The following UPK1B variants were observed in gnomAD, a reference collection of about 807,000 sequenced individuals.
UPK1B encodes the protein uroplakin-1b.
Under a neutral mutation model 34.2 loss-of-function variants are expected in UPK1B, and 28 were observed. The observed-to-expected ratio is 0.82, with a 90% confidence interval of 0.61 to 1.12. The LOEUF (loss-of-function observed/expected upper bound fraction) is 1.12, where lower values mean the gene tolerates loss of function less well. Among genes scored for constraint, UPK1B ranks in the 50% most tolerant of loss-of-function variants. The pLI, the probability that UPK1B is intolerant of heterozygous loss-of-function variation, is 0.00. For synonymous variants in UPK1B, 81 were observed against 110.4 expected, an observed-to-expected ratio of 0.73 and a Z score of 1.67; for missense variants, 325 against 320.9, an observed-to-expected ratio of 1.01 and a Z score of -0.10.
intron 7 of UPK1B, among the ~76,000 whole-genome samples, chr3:119,199,495 G>A (rs1386917001): frequency 6.6e-6 from 1 of 152,194 alleles, no homozygotes; most frequent in Non-Finnish European, 1.5e-5. Context: ...ATCAAAGACT[G>A]TCACCTATCT....
At chr3:119,189,545 A>T (rs1310979089) in intron 3 of UPK1B, among the ~76,000 whole-genome samples, 1 of 152,242 alleles carries the variant, frequency 6.6e-6, no homozygotes, top group Non-Finnish European at 1.5e-5. Flanking sequence ...GTGCACACGC[A>T]CCCATGTGCC....
intron 1 of UPK1B, among the ~76,000 whole-genome samples, chr3:119,178,995 G>A (rs2077972250): frequency 6.6e-6 from 1 of 152,028 alleles, no homozygotes; most frequent in South Asian, 2.1e-4. Flanking sequence ...CAATTGGGAT[G>A]GTGTGTTACT....
intron 6 of UPK1B, among the ~76,000 whole-genome samples, chr3:119,198,576 G>T (rs1311424488): frequency 1.3e-5 from 2 of 152,214 alleles, no homozygotes; most frequent in East Asian, 3.8e-4. Context: ...AGAATTCAGG[G>T]AGCATAATGC....
chr3:119,182,113 C>A (rs2077992425), intron 1 of UPK1B, among the ~76,000 whole-genome samples: 1 of 152,240 alleles, frequency 6.6e-6, no homozygotes, highest in Non-Finnish European at 1.5e-5. Flanking sequence ...CAGCTTGGTA[C>A]CTGACTCTGG....
chr3:119,186,753 C>T lies in UPK1B; in HGVS notation c.12C>T (p.Asp4=). Residue 4 remains aspartate (D), a synonymous_variant, in exon 2 of 8, where the codon GAC becomes GAT. Coordinates refer to ENST00000264234, the MANE Select transcript of UPK1B (RefSeq NM_006952.4). ...GGGAAATCCCGAAGATGGCCAAAGA[C>T]AACTCAACTGTTCGTTGCTTCCAGG... MAK[D]NSTVRCFQGL... The T allele has an allele frequency of 6.2e-7, 1 of 1,614,110 alleles. No individual in the cohort carries two copies. The highest frequency in any genetic ancestry group is 8.5e-7 in the Non-Finnish European group (1 of 1,180,002).
rs184949053 is a variant in UPK1B, at chr3:119,203,258, G to A, written c.733-659G>A. 4.0e-3 allele frequency among the ~76,000 whole-genome samples: 573 copies of A among 142,120 alleles called. 1 individual carries two copies. The highest frequency in any genetic ancestry group is 0.011 in the African/African-American group (439 of 39,010). 93.2% of individuals were successfully genotyped at this position (142,120 alleles called of 152,430 possible). A position where few individuals can be genotyped will look rare whatever the true frequency, so the allele number is the denominator to read the frequency against. On this transcript the variant is annotated intron_variant, in intron 7 of 7. Transcript: ENST00000264234. ...CAGGAGGCTGAGGCAGGAGAATGGC[G>A]TGAACCCGGGAGGCGGAGCTTGCAG...
At chr3:119,203,340 CAAAAAAAAAAAA>C (rs55752613) in intron 7 of UPK1B, among the ~76,000 whole-genome samples, 9 of 62,014 alleles carry the variant, frequency 1.5e-4, no homozygotes, top group East Asian at 1.0e-3. Context: ...AACTCCGTCT[CAAAAAAAAAAAA>C]AAAAAAAAAA....
intron 1 of UPK1B, among the ~76,000 whole-genome samples, chr3:119,180,510 A>T (rs1293428823): frequency 6.6e-6 from 1 of 152,216 alleles, no homozygotes; most frequent in African/African-American, 2.4e-5. Context: ...TCAGGCAGGC[A>T]GAGACAAAAC....
intron 5 of UPK1B, among the ~76,000 whole-genome samples, chr3:119,192,388 G>A (rs891806822): frequency 2.0e-5 from 3 of 151,796 alleles, no homozygotes; most frequent in African/African-American, 2.4e-5. Flanking sequence ...CTCACTCTTC[G>A]TTTATACTCT....
intron 1 of UPK1B, among the ~76,000 whole-genome samples, chr3:119,184,607 T>C (rs1379465802): frequency 6.7e-6 from 1 of 149,792 alleles, no homozygotes; most frequent in East Asian, 2.0e-4. Flanking sequence ...GCACCTGTAG[T>C]CCCAGCTACT....
chr3:119,179,505 G>GTTTTTTTTTT (rs1293357139), intron 1 of UPK1B, among the ~76,000 whole-genome samples: 2 of 45,244 alleles, frequency 4.4e-5, no homozygotes, highest in African/African-American at 1.4e-4. Flanking sequence ...TGATGTTGCA[G>GTTTTTTTTTT]TCTTTTTTTT....
At chr3:119,180,614 C>G (rs1197528689) in intron 1 of UPK1B, among the ~76,000 whole-genome samples, 1 of 152,058 alleles carries the variant, frequency 6.6e-6, no homozygotes, top group Admixed American at 6.6e-5. Context: ...ATTTGTCCTT[C>G]CCTTTTGTTC....
intron 7 of UPK1B, among the ~76,000 whole-genome samples, 172 bp downstream of exon 7, chr3:119,199,312 G>T (rs1458785586): frequency 6.6e-6 from 1 of 152,230 alleles, no homozygotes; most frequent in Non-Finnish European, 1.5e-5. Flanking sequence ...TCTCTTGAGA[G>T]GCAAGGAGTT....
In UPK1B at chr3:119,203,262, A is replaced by G. The variant is rs527657956; in HGVS notation, c.733-655A>G. ...AGGCTGAGGCAGGAGAATGGCGTGA[A>G]CCCGGGAGGCGGAGCTTGCAGTGAG... On this transcript the variant is annotated intron_variant, in intron 7 of 7. Coordinates refer to ENST00000264234, the MANE Select transcript of UPK1B (RefSeq NM_006952.4). Among the ~76,000 whole-genome samples, 274 of 142,170 alleles carry G rather than the reference A, an allele frequency of 1.9e-3. 3 individuals carry two copies. Among genetic ancestry groups the G allele is most frequent in the Admixed American group, 0.019 (257 of 13,536 alleles). 93.3% of individuals were successfully genotyped at this position (142,170 alleles called of 152,430 possible).
intron 1 of UPK1B, among the ~76,000 whole-genome samples, chr3:119,179,874 T>C (rs9819501): frequency 0.78 from 104,215 of 133,574 alleles, 40,360 homozygotes; most frequent in East Asian, 0.85. Context: ...TCTCGGCTCA[T>C]GGCAAACTCC....
In UPK1B at chr3:119,187,920, T is replaced by C. The variant is rs989925224; in HGVS notation, c.215T>C (p.Leu72Pro). ...TTTGTGGGCATCTGCCTCTTCTGCCTGTCTGTTCTAGGCATTGTAGGCATC... is the reference window on the plus strand; with the variant it reads ...TTTGTGGGCATCTGCCTCTTCTGCCCGTCTGTTCTAGGCATTGTAGGCATC... The part of the protein sequence containing the change: ...GIFVGICLFC[L>P]SVLGIVGIMK... The change falls in exon 3 of 8, where the codon CTG becomes CCG. Residue 72 changes from leucine (L) to proline (P), a missense_variant. Coordinates refer to ENST00000264234, the MANE Select transcript of UPK1B (RefSeq NM_006952.4). The C allele has an allele frequency of 7.4e-6, 12 of 1,614,168 alleles. No homozygotes were observed. Among genetic ancestry groups the C allele is most frequent in the South Asian group, 3.3e-5 (3 of 91,066 alleles).
intron 1 of UPK1B, among the ~76,000 whole-genome samples, chr3:119,179,805 CTTTTTTTTTTT>C (rs869040325): frequency 0.014 from 706 of 50,586 alleles, 104 homozygotes; most frequent in South Asian, 0.056. Flanking sequence ...CCACGCCCGG[CTTTTTTTTTTT>C]TTTTTTTTTT....
Position 119,203,977 on chromosome 3 carries a change from G to T in UPK1B, c.*10G>T. On this transcript the variant is annotated 3_prime_UTR_variant, in exon 8 of 8. Coordinates refer to ENST00000264234, the MANE Select transcript of UPK1B (RefSeq NM_006952.4). Reference sequence around the variant, plus strand: ...CAGAATTGAATATTAAGCATAAAGTGTTGCCACCATACCTCCTTCCCCGAG... The same window carrying T: ...CAGAATTGAATATTAAGCATAAAGTTTTGCCACCATACCTCCTTCCCCGAG... The T allele has an allele frequency of 1.2e-6, 2 of 1,613,746 alleles. No homozygotes were observed. Among genetic ancestry groups the T allele is most frequent in the Non-Finnish European group, 1.7e-6 (2 of 1,179,942 alleles).
chr3:119,175,010 T>TTA (rs1559898829), intron 1 of UPK1B, among the ~76,000 whole-genome samples: 1 of 104,862 alleles, frequency 9.5e-6, no homozygotes, highest in African/African-American at 3.5e-5. Context: ...TTCTTTTATT[T>TTA]TCTTTTTTTT....
Sources: allele counts gnomAD v4.1 joint callset (sites outside exome capture counted in the v4.1 genomes callset), GRCh38; gene constraint gnomAD v4.1.1; transcripts MANE v1.5; gene names NCBI Gene and HGNC (gene_info 2026-07-23, HGNC 2026-07-21).